The following TRPM7 variants were observed in gnomAD, a reference collection of about 807,000 sequenced individuals.
The protein encoded by TRPM7 is LTRPC ion channel family member 7.
In TRPM7, 134 loss-of-function variants were observed where a neutral mutation model predicts 229.7. The ratio of observed to expected loss-of-function variants is 0.58; its 90% CI spans 0.51 to 0.67. The LOEUF is 0.67. Ranked by LOEUF, TRPM7 falls within the 30% of genes least tolerant of loss-of-function variation. The probability of loss-of-function intolerance (pLI) is 0.00; values close to 1 mark genes in which losing one functional copy is unlikely to be tolerated. For missense variants in TRPM7, 1,901 were observed against 2,210.0 expected, an observed-to-expected ratio of 0.86 and a Z score of 2.80; for synonymous variants, 699 against 715.2, an observed-to-expected ratio of 0.98 and a Z score of 0.36.
intron 19 of TRPM7, 87 bp downstream of exon 19, chr15:50,609,494 A>G: frequency 7.9e-7 from 1 of 1,270,338 alleles, no homozygotes; most frequent in Non-Finnish European, 1.1e-6. Context: ...GATCTAAGTT[A>G]TATCAACATT....
chr15:50,646,363 G>C (rs2061265257), intron 4 of TRPM7, among the ~76,000 whole-genome samples: 1 of 152,156 alleles, frequency 6.6e-6, no homozygotes, highest in Non-Finnish European at 1.5e-5. Context: ...GCTCACTGCA[G>C]CCTCAACTTC....
chr15:50,629,601 T>A (rs75428676), intron 10 of TRPM7, among the ~76,000 whole-genome samples: 3,245 of 152,144 alleles, frequency 0.021, 160 homozygotes, highest in Non-Finnish European at 0.033. Flanking sequence ...CTCTACTAAT[T>A]ATCTATTACA....
At chr15:50,630,682 A>C (rs151012102) in intron 10 of TRPM7, among the ~76,000 whole-genome samples, 6 of 152,212 alleles carry the variant, frequency 3.9e-5, no homozygotes, top group African/African-American at 1.4e-4. Context: ...AAAGTGACAC[A>C]TTTTTATTTG....
Position 50,593,607 on chromosome 15 carries a change from G to A in TRPM7, c.3608+10C>T, listed in dbSNP as rs1337441831. The stretch of plus-strand genomic sequence containing the variant: ...ACATATAACCGATTTTAACTAAAGG[G>A]CTTCTGAACCTTTCAAAAGTGACAC... On this transcript the variant is annotated intron_variant, in intron 25 of 38. Coordinates refer to ENST00000646667, the MANE Select transcript of TRPM7 (RefSeq NM_017672.6). 6.2e-7 allele frequency: 1 copy of A among 1,607,848 alleles called. No homozygotes were observed. Among genetic ancestry groups the A allele is most frequent in the Admixed American group, 1.7e-5 (1 of 58,944 alleles).
chr15:50,676,437 G>T (rs2062095190), intron 1 of TRPM7, among the ~76,000 whole-genome samples: 1 of 152,014 alleles, frequency 6.6e-6, no homozygotes, highest in Non-Finnish European at 1.5e-5. Context: ...ATAAAAAAGA[G>T]GCTAGACACA....
At chr15:50,581,567 AAAATT>A in intron 29 of TRPM7, among the ~76,000 whole-genome samples, 1 of 151,958 alleles carries the variant, frequency 6.6e-6, no homozygotes, top group East Asian at 1.9e-4. Context: ...TACAAACAGA[AAAATT>A]AAAATCATGT....
intron 38 of TRPM7, among the ~76,000 whole-genome samples, chr15:50,566,450 C>T (rs1324224389): frequency 6.6e-6 from 1 of 152,128 alleles, no homozygotes; most frequent in Non-Finnish European, 1.5e-5. Context: ...GTAATCCCAG[C>T]ACTTTGGGAG....
Position 50,569,847 on chromosome 15 carries a change from G to A in TRPM7, c.5467+40C>T, listed in dbSNP as rs139150271. ...TGAGGTATTGTAGTAACCAAGTTTC[G>A]TAACAATTTATATACTATACTGATT... On this transcript the variant is annotated intron_variant, in intron 38 of 38. Coordinates refer to ENST00000646667, the MANE Select transcript of TRPM7 (RefSeq NM_017672.6). 6.1e-4 allele frequency: 848 copies of A among 1,385,222 alleles called. 2 individuals carry two copies. The African/African-American group carries it at 9.7e-3, about 16-fold the overall frequency. 85.8% of individuals were successfully genotyped at this position (1,385,222 alleles called of 1,614,324 possible). A position where few individuals can be genotyped will look rare whatever the true frequency, so the allele number is the denominator to read the frequency against.
At chr15:50,667,481 G>A (rs1343147654) in intron 1 of TRPM7, among the ~76,000 whole-genome samples, 2 of 152,128 alleles carry the variant, frequency 1.3e-5, no homozygotes, top group African/African-American at 2.4e-5. Flanking sequence ...CAAGGTGGGC[G>A]GATCACTTGA....
Position 50,561,522 on chromosome 15 carries a change from G to T in TRPM7, c.*156C>A. ...AGGGACTTTCTGACTGATTAATCAG[G>T]TCAAAAGAATATTGACCTTTTAACT... On this transcript the variant is annotated 3_prime_UTR_variant, in exon 39 of 39. Coordinates refer to ENST00000646667, the MANE Select transcript of TRPM7 (RefSeq NM_017672.6). 1.3e-6 allele frequency: 1 copy of T among 746,338 alleles called. No homozygotes were observed. Among genetic ancestry groups the T allele is most frequent in the Non-Finnish European group, 2.1e-6 (1 of 479,232 alleles). The allele number at this position is 746,338 out of a possible 1,614,324, so 46.2% of individuals were successfully genotyped here.
Position 50,599,294 on chromosome 15 carries a change from C to T in TRPM7, c.2991G>A (p.Val997=). ...GPYVMMIGKM[V]ANMFYIVVIM... ...TCACTACAATGTAGAACATATTGGC[C>T]ACCTGTTAAAAAATGAACACTGTTA... The change falls in exon 22 of 39, where the codon GTG becomes GTA. Residue 997 remains valine, a splice_region_variant and synonymous_variant. Coordinates refer to ENST00000646667, the MANE Select transcript of TRPM7 (RefSeq NM_017672.6). 1 of 1,591,830 alleles carries T rather than the reference C, an allele frequency of 6.3e-7. No homozygotes were observed. The highest frequency in any genetic ancestry group is 8.5e-7 in the Non-Finnish European group (1 of 1,170,088).
At chr15:50,575,268 G>C in intron 33 of TRPM7, 133 bp from the exon 34 acceptor site, 4 of 650,710 alleles carry the variant, frequency 6.1e-6, no homozygotes, top group Middle Eastern at 3.1e-4. Context: ...TTTATACAAA[G>C]AAATTTAATA....
intron 17 of TRPM7, 35 bp downstream of exon 17, chr15:50,611,058 C>G (rs1184371854): frequency 4.7e-6 from 7 of 1,504,762 alleles, no homozygotes. Flanking sequence ...TTTATCTAAT[C>G]ACATGCTTTA....
chr15:50,638,705 A>ATGTATGTATGTATGT (rs1567060080), intron 6 of TRPM7, among the ~76,000 whole-genome samples: 24 of 61,464 alleles, frequency 3.9e-4, no homozygotes, highest in Non-Finnish European at 9.1e-4. Context: ...TGTATGTATG[A>ATGTATGTATGTATGT]GATGGAGTTT....
chr15:50,683,054 T>G (rs1317848151), intron 1 of TRPM7, among the ~76,000 whole-genome samples: 1 of 151,950 alleles, frequency 6.6e-6, no homozygotes, highest in Non-Finnish European at 1.5e-5. Context: ...AGCTAATGTT[T>G]TTTTATTTTT....
chr15:50,600,436 T>TAAA (rs894855873), intron 21 of TRPM7, among the ~76,000 whole-genome samples: 20 of 130,120 alleles, frequency 1.5e-4, no homozygotes, highest in Middle Eastern at 4.0e-3. Flanking sequence ...GACTCCATCT[T>TAAA]AAAAAAAAAA....
intron 1 of TRPM7, among the ~76,000 whole-genome samples, chr15:50,670,549 G>A (rs115556065): frequency 0.016 from 2,404 of 152,172 alleles, 67 homozygotes; most frequent in African/African-American, 0.056. Context: ...CACCATGACA[G>A]TTTACAGATG....
chr15:50,611,477 T>C (rs1385328166), intron 16 of TRPM7, among the ~76,000 whole-genome samples, 156 bp from the exon 17 acceptor site: 1 of 152,208 alleles, frequency 6.6e-6, no homozygotes, highest in East Asian at 1.9e-4. Flanking sequence ...TTCAGACATC[T>C]ACATCTATGT....
intron 21 of TRPM7, among the ~76,000 whole-genome samples, chr15:50,600,863 A>G (rs562266038): frequency 6.6e-6 from 1 of 152,200 alleles, no homozygotes. Flanking sequence ...TGAACAAATA[A>G]ATTTTCTTTT....
Sources: gnomAD v4.1 joint callset for allele counts (sites outside exome capture counted in the v4.1 genomes callset) on GRCh38, gnomAD v4.1.1 for gene constraint, MANE v1.5 for transcripts, NCBI Gene and HGNC (gene_info 2026-07-23, HGNC 2026-07-21) for gene names.